HORMAD2: variants seen among roughly 807,000 people sequenced by gnomAD.
The protein encoded by HORMAD2 is HORMA domain containing 2.
In HORMAD2, 45 loss-of-function variants were observed where a neutral mutation model predicts 38.8. The observed-to-expected ratio is 1.16, with a 90% CI of 0.91 to 1.49. HORMAD2 has a LOEUF of 1.49. Ranked by LOEUF, HORMAD2 falls within the 40% of genes most tolerant of loss-of-function variation. The pLI, the probability that HORMAD2 is intolerant of heterozygous loss-of-function variation, is 0.00. For synonymous variants in HORMAD2, 126 were observed against 122.8 expected (o/e 1.03, Z -0.17); for missense variants, 338 against 367.0 (o/e 0.92, Z 0.65).
At chr22:30,143,306 G>A (rs554131161) in intron 10 of HORMAD2, among the ~76,000 whole-genome samples, 108 of 152,294 alleles carry the variant, frequency 7.1e-4, no homozygotes, top group South Asian at 2.7e-3. Flanking sequence ...TATTGTGTGT[G>A]ATAATTTTCA....
the HORMAD2 span, among the ~76,000 whole-genome samples, chr22:30,200,322 G>T: frequency 6.6e-6 from 1 of 151,970 alleles, no homozygotes; most frequent in Non-Finnish European, 1.5e-5. Flanking sequence ...TTTCTAAATT[G>T]AATTTTCCCA....
chr22:30,201,809 A>G, the HORMAD2 span, among the ~76,000 whole-genome samples: 4 of 152,142 alleles, frequency 2.6e-5, no homozygotes, highest in African/African-American at 4.8e-5. Context: ...GTTGTGGTCC[A>G]GCTCATGAAC....
intron 10 of HORMAD2, among the ~76,000 whole-genome samples, chr22:30,161,574 G>A (rs549923129): frequency 6.6e-6 from 1 of 152,188 alleles, no homozygotes; most frequent in East Asian, 1.9e-4. Context: ...TGTATTTAAT[G>A]TATCCACCTT....
intron 1 of HORMAD2, among the ~76,000 whole-genome samples, chr22:30,093,700 G>T (rs1219000399): frequency 1.3e-5 from 2 of 152,080 alleles, no homozygotes; most frequent in African/African-American, 2.4e-5. Flanking sequence ...GAGCCTGATA[G>T]AATTATCTTA....
At chr22:30,134,170 G>A (rs1265016606) in intron 10 of HORMAD2, among the ~76,000 whole-genome samples, 4 of 151,932 alleles carry the variant, frequency 2.6e-5, no homozygotes, top group Non-Finnish European at 4.4e-5. Flanking sequence ...AGGCCAAGGC[G>A]GGTGATCACC....
chr22:30,137,606 TA>T, intron 10 of HORMAD2: 1 of 155,726 alleles, frequency 6.4e-6, no homozygotes, highest in South Asian at 1.9e-4. Context: ...AAGAAAGAAA[TA>T]AAATGGATCA....
chr22:30,124,194 A>C (rs1438019417), intron 10 of HORMAD2, among the ~76,000 whole-genome samples: 1 of 150,886 alleles, frequency 6.6e-6, no homozygotes, highest in Non-Finnish European at 1.5e-5. Context: ...AAGTCTAGTA[A>C]AGTGGTTACT....
intron 5 of HORMAD2, among the ~76,000 whole-genome samples, chr22:30,108,800 T>C (rs1356506747): frequency 6.6e-6 from 1 of 152,164 alleles, no homozygotes; most frequent in East Asian, 1.9e-4. Context: ...AATTAAGTAA[T>C]GTATGAGTTT....
downstream of HORMAD2, among the ~76,000 whole-genome samples, chr22:30,180,762 CCCCTTCCCTTCCCTTCCTTT>C (rs1287117493): frequency 1.3e-5 from 2 of 151,288 alleles, no homozygotes; most frequent in African/African-American, 4.9e-5. Flanking sequence ...CTTCTTTCTT[CCCCTTCCCTTCCCTTCCTTT>C]CCCTTCCCTT....
At chr22:30,100,159 G>A (rs994669627) in intron 3 of HORMAD2, among the ~76,000 whole-genome samples, 1 of 152,246 alleles carries the variant, frequency 6.6e-6, no homozygotes. Flanking sequence ...AAAGCTGGAG[G>A]CATCATGCTA....
At chr22:30,098,004 G>A (rs1465159286) in intron 2 of HORMAD2, among the ~76,000 whole-genome samples, 3 of 152,160 alleles carry the variant, frequency 2.0e-5, no homozygotes, top group Non-Finnish European at 4.4e-5. Flanking sequence ...CAAAGATGAA[G>A]CTGCTTCTAG....
intron 10 of HORMAD2, among the ~76,000 whole-genome samples, chr22:30,122,812 T>A (rs1922555335): frequency 6.6e-6 from 1 of 152,140 alleles, no homozygotes; most frequent in Non-Finnish European, 1.5e-5. Context: ...GGAGTTAGAT[T>A]CTTGCTAGGG....
chr22:30,135,215 G>GT (rs1391954626), intron 10 of HORMAD2, among the ~76,000 whole-genome samples: 1 of 152,026 alleles, frequency 6.6e-6, no homozygotes, highest in Non-Finnish European at 1.5e-5. Flanking sequence ...AAAGAGTAAT[G>GT]TAAGAGTTAC....
chr22:30,124,221 G>C (rs1363444853), intron 10 of HORMAD2, among the ~76,000 whole-genome samples: 1 of 147,352 alleles, frequency 6.8e-6, no homozygotes, highest in East Asian at 2.0e-4. Flanking sequence ...TTCCCACTAA[G>C]GATTCCTTTT....
At chr22:30,129,131 T>A (rs528119265) in intron 10 of HORMAD2, among the ~76,000 whole-genome samples, 6 of 142,104 alleles carry the variant, frequency 4.2e-5, no homozygotes, top group African/African-American at 5.3e-5. Flanking sequence ...GGCAGGAGAA[T>A]GGCAAAAACC....
At chr22:30,090,947 C>T (rs1353579474) in intron 1 of HORMAD2, among the ~76,000 whole-genome samples, 1 of 152,170 alleles carries the variant, frequency 6.6e-6, no homozygotes, top group African/African-American at 2.4e-5. Context: ...ATTCTCCTAT[C>T]TAGCTGTAAT....
chr22:30,114,881 A>G (rs1246321101), intron 7 of HORMAD2, among the ~76,000 whole-genome samples: 1 of 152,260 alleles, frequency 6.6e-6, no homozygotes, highest in Non-Finnish European at 1.5e-5. Flanking sequence ...GTAACTAAGC[A>G]TCTAAGTAAA....
At chr22:30,192,642 C>T in the HORMAD2 span, among the ~76,000 whole-genome samples, 4 of 152,320 alleles carry the variant, frequency 2.6e-5, no homozygotes, top group South Asian at 6.2e-4. Flanking sequence ...TGGTAAACTA[C>T]AGGATGTTGT....
intron 10 of HORMAD2, among the ~76,000 whole-genome samples, chr22:30,157,359 T>C (rs1436032538): frequency 6.6e-6 from 1 of 152,206 alleles, no homozygotes; most frequent in Non-Finnish European, 1.5e-5. Context: ...GTGTCTTTTT[T>C]CCAAGGAACT....
Sources: allele counts gnomAD v4.1 joint callset (sites outside exome capture counted in the v4.1 genomes callset), GRCh38; gene constraint gnomAD v4.1.1; transcripts MANE v1.5; gene names NCBI Gene and HGNC (gene_info 2026-07-23, HGNC 2026-07-21).